The following LCN1 variants were observed in gnomAD, a reference collection of about 807,000 sequenced individuals.
LCN1 encodes lipocalin 1, also known as lipocalin-1.
In LCN1, 25 loss-of-function variants were observed where a neutral mutation model predicts 22.3. That is an observed-to-expected ratio of 1.12 (90% CI 0.82 to 1.56). The LOEUF (loss-of-function observed/expected upper bound fraction) is 1.56, where lower values mean the gene tolerates loss of function less well. LCN1 is among the 40% of genes most tolerant of loss of function. The probability of loss-of-function intolerance (pLI) is 0.00; values close to 1 mark genes in which losing one functional copy is unlikely to be tolerated. For synonymous variants in LCN1, 85 were observed against 97.6 expected (o/e 0.87, Z 0.76); for missense variants, 219 against 235.6 (o/e 0.93, Z 0.46).
intron 2 of LCN1, 117 bp downstream of exon 2, chr9:135,522,294 G>A (rs111589804): frequency 0.04 from 56,665 of 1,417,492 alleles, 6,105 homozygotes; most frequent in African/African-American, 0.39. Flanking sequence ...GGCCTCTCTC[G>A]GCCCCTCCTG....
At chr9:135,525,933 G>A (rs1196770799) in intron 6 of LCN1, among the ~76,000 whole-genome samples, 10 of 129,370 alleles carry the variant, frequency 7.7e-5, no homozygotes, top group East Asian at 4.6e-4. Context: ...GATCCAGCAC[G>A]TGCCCCCGCA....
chr9:135,523,662 G>A (rs1831556095), intron 3 of LCN1, among the ~76,000 whole-genome samples: 1 of 152,196 alleles, frequency 6.6e-6, no homozygotes, highest in Non-Finnish European at 1.5e-5. Context: ...TCACTGGTTT[G>A]GGATGTGGCC....
intron 2 of LCN1, among the ~76,000 whole-genome samples, chr9:135,522,920 C>A (rs972633899): frequency 5.9e-5 from 9 of 152,150 alleles, no homozygotes; most frequent in African/African-American, 2.2e-4. Flanking sequence ...CAGGCCCACG[C>A]CACAGACGCT....
In LCN1 at chr9:135,521,555, C is replaced by G. The variant is rs61735422; in HGVS notation, c.58C>G (p.His20Asp). 2 of 1,613,484 alleles carry G rather than the reference C, an allele frequency of 1.2e-6. No individual in the cohort carries two copies. Among genetic ancestry groups the G allele is most frequent in the African/African-American group, 2.7e-5 (2 of 74,946 alleles). ...LGLIAALQAH[H>D]LLASDEEIQD... ...CCTCATTGCTGCCCTGCAGGCCCAC[C>G]ACCTCCTGGCCTCAGACGAGGAGAT... The change falls in exon 1 of 7, where the codon CAC becomes GAC. Residue 20 changes from histidine to aspartate, a missense_variant. Physicochemically the swap from His to Asp is moderately conservative, Grantham distance 81. Transcript: ENST00000371781.
rs1421077518 is a variant in LCN1 at position 135,522,023 on chromosome 9, C to G, written c.91-24C>G. 2.5e-6 allele frequency: 4 copies of G among 1,589,362 alleles called. No homozygotes were observed. The East Asian group carries it at 9.1e-5, about 36-fold the overall frequency. Reference sequence around the variant, plus strand: ...AGGCTCTGGAGCAGTCGGCCTGAGCCTGATAGAGAGGGGCCTTCTCCAGGT... The same window carrying G: ...AGGCTCTGGAGCAGTCGGCCTGAGCGTGATAGAGAGGGGCCTTCTCCAGGT... On this transcript the variant is annotated intron_variant, in intron 1 of 6. Coordinates refer to ENST00000371781, the MANE Select transcript of LCN1 (RefSeq NM_002297.4).
At chr9:135,525,545 G>C (rs1831616969) in intron 6 of LCN1, among the ~76,000 whole-genome samples, 1 of 152,122 alleles carries the variant, frequency 6.6e-6, no homozygotes, top group Admixed American at 6.5e-5. Context: ...TCAGCAAAGT[G>C]GCAGGCGTGC....
intron 6 of LCN1, 21 bp from the exon 7 acceptor site, chr9:135,526,323 T>A: frequency 3.0e-6 from 3 of 1,016,322 alleles, no homozygotes; most frequent in Non-Finnish European, 3.6e-6. Context: ...CTGGCCTCAC[T>A]CACCCTCCCC....
intron 6 of LCN1, 96 bp downstream of exon 6, chr9:135,525,254 C>T: frequency 2.4e-6 from 3 of 1,271,562 alleles, no homozygotes; most frequent in Non-Finnish European, 3.3e-6. Flanking sequence ...CCATCCCACT[C>T]CTACCTGGGT....
chr9:135,526,326 C>A lies in LCN1; in HGVS notation c.*2-18C>A. The A allele has an allele frequency of 8.1e-7, 1 of 1,229,064 alleles. No homozygotes were observed. Among genetic ancestry groups the A allele is most frequent in the Non-Finnish European group, 1.0e-6 (1 of 954,224 alleles). The allele number at this position is 1,229,064 out of a possible 1,614,324, so 76.1% of individuals were successfully genotyped here. On this transcript the variant is annotated intron_variant, in intron 6 of 6. Coordinates refer to ENST00000371781, the MANE Select transcript of LCN1 (RefSeq NM_002297.4). ...ACCCTTGCTGTCCTGGCCTCACTCA[C>A]CCTCCCCCCCTTTCCAGGGCAGGGG... is the stretch of plus-strand genomic sequence containing the variant.
intron 4 of LCN1, 150 bp from the exon 5 acceptor site, chr9:135,524,680 C>G: frequency 1.6e-6 from 1 of 628,974 alleles, no homozygotes; most frequent in East Asian, 2.8e-5. Context: ...ACCCTGGTCC[C>G]ACTTTGCCAG....
In LCN1 at chr9:135,523,794, G is replaced by A. The variant is rs563471795; in HGVS notation, c.293-86G>A. On this transcript the variant is annotated intron_variant, in intron 3 of 6. Transcript: ENST00000371781. Reference sequence around the variant, plus strand: ...GGAGGGTGCAGGAGCTGCGGGGCTTGCTGGGCCTGGCAACGCACGCTGTCC... The same window carrying A: ...GGAGGGTGCAGGAGCTGCGGGGCTTACTGGGCCTGGCAACGCACGCTGTCC... 9.0e-5 allele frequency: 102 copies of A among 1,133,614 alleles called. No homozygotes were observed. The African/African-American group carries it at 1.5e-3, about 16-fold the overall frequency. 70.2% of individuals were successfully genotyped at this position (1,133,614 alleles called of 1,614,324 possible). A position where few individuals can be genotyped will look rare whatever the true frequency, so the allele number is the denominator to read the frequency against.
chr9:135,523,156 C>A, intron 2 of LCN1, 76 bp from the exon 3 acceptor site: 1 of 1,345,612 alleles, frequency 7.4e-7, no homozygotes, highest in Non-Finnish European at 1.0e-6. Context: ...ATTTGCAGGG[C>A]ATTGCAGCAT....
chr9:135,526,152 A>C (rs1403221560), intron 6 of LCN1, among the ~76,000 whole-genome samples, 192 bp from the exon 7 acceptor site: 6 of 64,090 alleles, frequency 9.4e-5, no homozygotes, highest in Non-Finnish European at 1.7e-4. Context: ...CCCACACCAT[A>C]GCCCCCGAGA....
At chr9:135,525,079 G>A (rs1831599240) in intron 5 of LCN1, 53 bp from the exon 6 acceptor site, 7 of 1,604,454 alleles carry the variant, frequency 4.4e-6, no homozygotes, top group Middle Eastern at 1.7e-4. Context: ...AGGGGCCCCG[G>A]TCCTGACTGC....
intron 6 of LCN1, 54 bp downstream of exon 6, chr9:135,525,212 G>A: frequency 6.4e-7 from 1 of 1,572,918 alleles, no homozygotes; most frequent in Non-Finnish European, 8.7e-7. Context: ...GGGGCTCAGT[G>A]GTGCTTCCAG....
chr9:135,523,233 A>T lies in LCN1; in HGVS notation c.223A>T (p.Ile75Leu), dbSNP rs1282080280. 2 of 1,611,768 alleles carry T rather than the reference A, an allele frequency of 1.2e-6. No individual in the cohort carries two copies. The highest frequency in any genetic ancestry group is 1.7e-5 in the Admixed American group (1 of 59,904). Residue 75 changes from isoleucine (I) to leucine (L), a missense_variant and splice_region_variant, in exon 3 of 7, where the codon ATA (isoleucine) becomes TTA (leucine). By Grantham distance (5) the Ile-to-Leu change is conservative. Coordinates refer to ENST00000371781, the MANE Select transcript of LCN1 (RefSeq NM_002297.4). ...TGCCAGGGGGCTTCTGTTTTCCAGG[A>T]TAAGTGGCCGGTGCCAGGAGGTGAA... ...GNLEAKVTML[I>L]SGRCQEVKAV...
chr9:135,524,472 CT>C (rs1231708610), intron 4 of LCN1, among the ~76,000 whole-genome samples: 1 of 152,202 alleles, frequency 6.6e-6, no homozygotes, highest in African/African-American at 2.4e-5. Context: ...ATGAAGGCTC[CT>C]GAGTTCTCCC....
intron 5 of LCN1, 54 bp downstream of exon 5, chr9:135,524,985 A>AAG: frequency 6.4e-7 from 1 of 1,560,060 alleles, no homozygotes; most frequent in African/African-American, 1.4e-5. Flanking sequence ...GGACATCAGC[A>AAG]GAGCTGCATT....
intron 6 of LCN1, 150 bp downstream of exon 6, chr9:135,525,308 T>A: frequency 1.3e-6 from 1 of 750,638 alleles, no homozygotes; most frequent in Non-Finnish European, 2.2e-6. Context: ...GCTCTGCTCC[T>A]GAGCTGCCCA....
Sources: allele counts gnomAD v4.1 joint callset (sites outside exome capture counted in the v4.1 genomes callset), GRCh38; gene constraint gnomAD v4.1.1; transcripts MANE v1.5; gene names NCBI Gene and HGNC (gene_info 2026-07-23, HGNC 2026-07-21).